The following MICU1 variants were observed in gnomAD, a reference collection of about 807,000 sequenced individuals.
MICU1 encodes the protein mitochondrial calcium uptake 1, also known as calcium uptake protein 1, mitochondrial.
MICU1 carries 45 observed loss-of-function variants against 56.8 expected under a neutral mutation model. The ratio of observed to expected loss-of-function variants is 0.79; its 90% CI spans 0.62 to 1.02. The LOEUF (loss-of-function observed/expected upper bound fraction) is 1.02. Ranked by LOEUF, MICU1 falls within the 50% of genes least tolerant of loss-of-function variation. MICU1 has a pLI of 0.00. For synonymous variants in MICU1, 186 were observed against 195.1 expected (o/e 0.95, Z 0.39); for missense variants, 504 against 587.1 (o/e 0.86, Z 1.46).
At chr10:72,579,649 T>G (rs1230734634) in intron 1 of MICU1, among the ~76,000 whole-genome samples, 1 of 152,190 alleles carries the variant, frequency 6.6e-6, no homozygotes, top group Non-Finnish European at 1.5e-5. Flanking sequence ...ATAAGATGAT[T>G]GCTAATTGGT....
chr10:72,608,666 CTAT>C (rs1358738394), intron 1 of MICU1, among the ~76,000 whole-genome samples: 2 of 152,152 alleles, frequency 1.3e-5, no homozygotes, highest in Admixed American at 6.6e-5. Flanking sequence ...AATAATGCAG[CTAT>C]TGTTAGTCGA....
chr10:72,604,020 AACT>A (rs1343722533), intron 1 of MICU1, among the ~76,000 whole-genome samples: 1 of 152,114 alleles, frequency 6.6e-6, no homozygotes, highest in Non-Finnish European at 1.5e-5. Flanking sequence ...AACAGCAAAT[AACT>A]AATTAGTAGT....
chr10:72,592,512 CAAAG>C (rs1487381152), intron 1 of MICU1, among the ~76,000 whole-genome samples: 3 of 152,104 alleles, frequency 2.0e-5, no homozygotes, highest in Non-Finnish European at 4.4e-5. Context: ...CAAAGCCAGA[CAAAG>C]ACACTACAAG....
intron 8 of MICU1, among the ~76,000 whole-genome samples, chr10:72,458,779 G>A (rs573050295): frequency 2.0e-5 from 3 of 150,402 alleles, no homozygotes; most frequent in East Asian, 2.0e-4. Flanking sequence ...TCACGATCAC[G>A]GCTCACTGCA....
At chr10:72,551,579 T>A (rs2132445067) in intron 3 of MICU1, among the ~76,000 whole-genome samples, 1 of 152,296 alleles carries the variant, frequency 6.6e-6, no homozygotes, top group South Asian at 2.1e-4. Context: ...GAGGCAATGC[T>A]CATGTAACTT....
At chr10:72,623,865 G>A (rs941898185) in intron 1 of MICU1, among the ~76,000 whole-genome samples, 4 of 149,892 alleles carry the variant, frequency 2.7e-5, no homozygotes, top group African/African-American at 9.9e-5. Context: ...GACCAGCCTC[G>A]GCAAAATGGC....
intron 8 of MICU1, among the ~76,000 whole-genome samples, chr10:72,440,974 T>C (rs550723993): frequency 8.5e-5 from 13 of 152,322 alleles, no homozygotes; most frequent in Middle Eastern, 3.4e-3. Context: ...AGTTCAACCA[T>C]TGTGGAAGAC....
chr10:72,533,129 C>T, intron 5 of MICU1: 1 of 1,289,912 alleles, frequency 7.8e-7, no homozygotes, highest in Non-Finnish European at 1.0e-6. Context: ...TTCTTTCTGA[C>T]CCTGTGTAAT....
intron 6 of MICU1, among the ~76,000 whole-genome samples, chr10:72,490,009 G>C (rs1866601017): frequency 6.6e-6 from 1 of 152,186 alleles, no homozygotes; most frequent in Admixed American, 6.5e-5. Flanking sequence ...AAGAATGTTG[G>C]TATTTTTTAG....
rs1285683880 is a variant in MICU1, at chr10:72,367,705, G to T, written c.*490C>A. ...CGCAGGCTTCTCACACTAGCGTAGG[G>T]TGCCTAGGTCATCCTCATCATTGTT... On this transcript the variant is annotated 3_prime_UTR_variant, in exon 12 of 12. Coordinates refer to ENST00000361114, the MANE Select transcript of MICU1 (RefSeq NM_001195518.2). 6.4e-6 allele frequency: 1 copy of T among 157,258 alleles called. No homozygotes were observed. The highest frequency in any genetic ancestry group is 2.4e-5 in the African/African-American group (1 of 41,496). The allele number at this position is 157,258 out of a possible 1,614,324, so 9.7% of individuals were successfully genotyped here.
chr10:72,376,983 A>C (rs191378809), intron 10 of MICU1, among the ~76,000 whole-genome samples: 40 of 152,134 alleles, frequency 2.6e-4, no homozygotes, highest in African/African-American at 9.2e-4. Context: ...TGGTGGGTGA[A>C]TGACAGCTAA....
intron 4 of MICU1, among the ~76,000 whole-genome samples, chr10:72,547,567 TAAA>T (rs373218053): frequency 1.5e-3 from 224 of 149,982 alleles, no homozygotes; most frequent in African/African-American, 5.3e-3. Context: ...TATTAGAAAA[TAAA>T]GAAACGTACA....
chr10:72,615,677 C>T (rs1841959139), intron 1 of MICU1, among the ~76,000 whole-genome samples: 1 of 152,054 alleles, frequency 6.6e-6, no homozygotes, highest in Admixed American at 6.6e-5. Context: ...TTTATACCTT[C>T]CATGTCTCTA....
chr10:72,456,217 G>T (rs1465339707), intron 8 of MICU1, among the ~76,000 whole-genome samples: 1 of 152,150 alleles, frequency 6.6e-6, no homozygotes, highest in East Asian at 1.9e-4. Context: ...TATGATCCTG[G>T]AACTGTTTTT....
chr10:72,464,295 CAAAAAAAAAAA>C lies in MICU1; in HGVS notation c.933+10794_933+10804del, dbSNP rs58499998. Reference sequence around the variant, plus strand: ...GGGGTGACAGAGTGAGATTCTGTCTCAAAAAAAAAAAAAAAAAAAAAAAAAAAGAACTGTTA... The same window carrying C: ...GGGGTGACAGAGTGAGATTCTGTCTCAAAAAAAAAAAAAAAAGAACTGTTA... On this transcript the variant is annotated intron_variant, in intron 8 of 11. Coordinates refer to ENST00000361114, the MANE Select transcript of MICU1 (RefSeq NM_001195518.2). 2.5e-3 allele frequency among the ~76,000 whole-genome samples: 251 copies of C among 99,988 alleles called. 1 individual carries two copies. In the Middle Eastern group the frequency reaches 0.027, roughly 11 times the overall value. 65.6% of individuals were successfully genotyped at this position (99,988 alleles called of 152,430 possible).
chr10:72,517,911 G>T (rs1867699266), intron 5 of MICU1, among the ~76,000 whole-genome samples: 1 of 151,892 alleles, frequency 6.6e-6, no homozygotes, highest in Admixed American at 6.6e-5. Context: ...ACACTTCAGG[G>T]GTGATATGGA....
chr10:72,477,331 C>A, intron 6 of MICU1, 75 bp from the exon 7 acceptor site: 1 of 1,259,802 alleles, frequency 7.9e-7, no homozygotes, highest in South Asian at 1.4e-5. Flanking sequence ...AAACAAAAGG[C>A]TAAACACTAA....
At chr10:72,512,683 T>TTTTTGGTTTG (rs1554883597) in intron 5 of MICU1, among the ~76,000 whole-genome samples, 3 of 148,064 alleles carry the variant, frequency 2.0e-5, no homozygotes, top group Middle Eastern at 3.5e-3. Context: ...ATGTTTTTGG[T>TTTTTGGTTTG]TTTTGTTTTG....
intron 9 of MICU1, among the ~76,000 whole-genome samples, chr10:72,415,162 C>G (rs544312726): frequency 6.6e-6 from 1 of 152,062 alleles, no homozygotes; most frequent in South Asian, 2.1e-4. Context: ...ATTACAGACA[C>G]CTGTCACCAT....
Sources: allele counts gnomAD v4.1 joint callset (sites outside exome capture counted in the v4.1 genomes callset), GRCh38; gene constraint gnomAD v4.1.1; transcripts MANE v1.5; gene names NCBI Gene and HGNC (gene_info 2026-07-23, HGNC 2026-07-21).